Variants in HTR1F observed in about 807,000 individuals in gnomAD.
HTR1F encodes the protein 5-hydroxytryptamine receptor 1F.
A neutral mutation model predicts 24.0 loss-of-function variants in HTR1F; 17 were observed. The ratio of observed to expected loss-of-function variants is 0.71; its 90% CI spans 0.48 to 1.06. The LOEUF is 1.06. Ranked by LOEUF, HTR1F falls within the 50% of genes least tolerant of loss-of-function variation. HTR1F has a pLI of 0.00. For synonymous variants in HTR1F, 186 were observed against 156.8 expected (o/e 1.19, Z -1.39); for missense variants, 391 against 427.8 (o/e 0.91, Z 0.76).
chr3:87,920,881 T>G (rs1205120997), intron 2 of HTR1F, among the ~76,000 whole-genome samples: 1 of 151,998 alleles, frequency 6.6e-6, no homozygotes, highest in Non-Finnish European at 1.5e-5. Flanking sequence ...AAAATAAAAG[T>G]TTTTTTAAAA....
At chr3:87,896,310 T>G (rs1706198248) in intron 2 of HTR1F, among the ~76,000 whole-genome samples, 1 of 152,182 alleles carries the variant, frequency 6.6e-6, no homozygotes, top group Non-Finnish European at 1.5e-5. Context: ...TAACCAGGCT[T>G]CAGAAAAGGG....
intron 2 of HTR1F, among the ~76,000 whole-genome samples, chr3:87,977,392 AC>A (rs1396645865): frequency 8.9e-5 from 11 of 123,220 alleles, no homozygotes; most frequent in African/African-American, 3.1e-4. Context: ...TGAAGCTGAG[AC>A]TTTTTTTTTT....
chr3:87,945,578 T>G (rs1704678602), intron 2 of HTR1F, among the ~76,000 whole-genome samples: 1 of 152,168 alleles, frequency 6.6e-6, no homozygotes, highest in Non-Finnish European at 1.5e-5. Context: ...GACAGCTTTC[T>G]GCCTCTAGTT....
At chr3:87,987,659 A>T (rs1323451050) in intron 2 of HTR1F, among the ~76,000 whole-genome samples, 2 of 118,478 alleles carry the variant, frequency 1.7e-5, no homozygotes, top group African/African-American at 6.0e-5. Flanking sequence ...TATATATATA[A>T]AAATATATGT....
chr3:87,846,651 A>G (rs1333618980), intron 2 of HTR1F, among the ~76,000 whole-genome samples: 1 of 151,940 alleles, frequency 6.6e-6, no homozygotes, highest in South Asian at 2.1e-4. Context: ...TATTTCCACA[A>G]TTGAGTAATG....
chr3:87,846,950 C>A (rs552820521), intron 2 of HTR1F, among the ~76,000 whole-genome samples: 2 of 151,430 alleles, frequency 1.3e-5, no homozygotes, highest in Admixed American at 1.3e-4. Flanking sequence ...AATTTTATGG[C>A]AAGTATATTC....
intron 2 of HTR1F, among the ~76,000 whole-genome samples, chr3:87,886,648 G>A (rs1436853348): frequency 2.6e-5 from 4 of 152,070 alleles, no homozygotes; most frequent in African/African-American, 9.7e-5. Context: ...AAAGTCTCAG[G>A]ATACAAAATC....
At chr3:87,912,182 A>G (rs959880843) in intron 2 of HTR1F, among the ~76,000 whole-genome samples, 1 of 152,076 alleles carries the variant, frequency 6.6e-6, no homozygotes. Context: ...TCTAAGCACA[A>G]AAGCTCCTTA....
intron 2 of HTR1F, among the ~76,000 whole-genome samples, chr3:87,937,902 C>A (rs1704464887): frequency 1.4e-5 from 2 of 139,110 alleles, no homozygotes; most frequent in South Asian, 4.5e-4. Context: ...CCAGCTTGGG[C>A]AATAGAGCGA....
chr3:87,925,845 C>T (rs183848675), intron 2 of HTR1F, among the ~76,000 whole-genome samples: 3 of 152,188 alleles, frequency 2.0e-5, no homozygotes, highest in African/African-American at 4.8e-5. Flanking sequence ...CTTTACTTCT[C>T]TCTCTATGCT....
intron 1 of HTR1F, among the ~76,000 whole-genome samples, chr3:87,801,161 T>G (rs1450354587): frequency 1.3e-5 from 2 of 152,224 alleles, no homozygotes; most frequent in Non-Finnish European, 2.9e-5. Context: ...CTGAATTAAA[T>G]CTGGAGTTAT....
intron 2 of HTR1F, among the ~76,000 whole-genome samples, chr3:87,909,287 A>T (rs912978451): frequency 1.3e-5 from 2 of 152,024 alleles, no homozygotes; most frequent in Admixed American, 1.3e-4. Context: ...GCTTTAAGCT[A>T]CTGAAATTTT....
chr3:87,848,142 T>G (rs1252776328), intron 2 of HTR1F, among the ~76,000 whole-genome samples: 4 of 151,880 alleles, frequency 2.6e-5, no homozygotes, highest in African/African-American at 7.3e-5. Context: ...TAACAGTGTA[T>G]GAGTTCCCTT....
chr3:87,841,687 G>A (rs1404267318), intron 2 of HTR1F, among the ~76,000 whole-genome samples: 5 of 151,538 alleles, frequency 3.3e-5, no homozygotes, highest in Admixed American at 2.0e-4. Context: ...ATCACCTGGG[G>A]TCAAGAGTTC....
At chr3:87,965,231 C>T (rs72917703) in intron 2 of HTR1F, among the ~76,000 whole-genome samples, 30,767 of 151,982 alleles carry the variant, frequency 0.2, 3,773 homozygotes, top group African/African-American at 0.35. Flanking sequence ...AACAGTCATG[C>T]CCTTCATAAA....
rs190105844 is a variant in HTR1F, at chr3:87,813,039, A to G, written c.-159-8969A>G. Among the ~76,000 whole-genome samples the G allele has an allele frequency of 3.8e-3, 583 of 152,346 alleles. 5 individuals are homozygous for G. The highest frequency in any genetic ancestry group is 0.012 in the African/African-American group (503 of 41,584). On this transcript the variant is annotated intron_variant, in intron 1 of 2. Transcript: ENST00000319595. ...TGGAGAATCTTTGCTAGGGCAATGT[A>G]GAAGGGAAATGTGGGGTCAGAGCCC...
At position 87,981,058 on chromosome 3, in the gene HTR1F, C is replaced by T. The variant is rs368310342; in HGVS notation, c.-42-9650C>T. 1.1e-4 allele frequency among the ~76,000 whole-genome samples: 17 copies of T among 152,312 alleles called. No individual in the cohort carries two copies. In the South Asian group the frequency reaches 3.5e-3, roughly 32 times the overall value. ...GTGCAGGGTTCTCACCTGTTCCCAG[C>T]TCCCGCCAGCTCCCTGAAGTGCACA... On this transcript the variant is annotated intron_variant, in intron 2 of 2. Coordinates refer to ENST00000319595, the MANE Select transcript of HTR1F (RefSeq NM_001322209.2).
intron 1 of HTR1F, among the ~76,000 whole-genome samples, chr3:87,797,926 A>G (rs929821085): frequency 9.2e-5 from 14 of 152,158 alleles, no homozygotes; most frequent in Non-Finnish European, 2.9e-5. Context: ...GGATGGCATG[A>G]CTGGTGCTAG....
At chr3:87,840,902 TAGAA>T (rs59524792) in intron 2 of HTR1F, among the ~76,000 whole-genome samples, 10,295 of 151,612 alleles carry the variant, frequency 0.068, 1,271 homozygotes, top group African/African-American at 0.23. Context: ...AAGTAGAAAA[TAGAA>T]AGACAGTTAC....
Sources: gnomAD v4.1 joint callset for allele counts (sites outside exome capture counted in the v4.1 genomes callset) on GRCh38, gnomAD v4.1.1 for gene constraint, MANE v1.5 for transcripts, NCBI Gene and HGNC (gene_info 2026-07-23, HGNC 2026-07-21) for gene names.